IPCEF1: variants seen among roughly 807,000 people sequenced by gnomAD.
IPCEF1 encodes interaction protein for cytohesin exchange factors 1, also known as interactor protein for cytohesin exchange factors 1.
In IPCEF1, 31 loss-of-function variants were observed where a neutral mutation model predicts 50.9. That is an observed-to-expected ratio of 0.61 (90% confidence interval 0.46 to 0.82). The LOEUF is 0.82. Among genes scored for constraint, IPCEF1 ranks in the 40% least tolerant of loss-of-function variants. The probability of loss-of-function intolerance (pLI) is 0.00; values close to 1 mark genes in which losing one functional copy is unlikely to be tolerated. For missense variants in IPCEF1, 458 were observed against 514.0 expected (o/e 0.89, Z 1.05); for synonymous variants, 181 against 192.0 (o/e 0.94, Z 0.47).
At position 154,307,470 on chromosome 6, in the gene IPCEF1, G is replaced by A. The variant is rs576150668; in HGVS notation, c.-61-17714C>T. ...TTGTAAATTGACCAGTCTCGGGTAT[G>A]TTTTTATCAGCAGTGTGAAAACGGA... On this transcript the variant is annotated intron_variant, in intron 1 of 11. Transcript: ENST00000367220. Among the ~76,000 whole-genome samples the A allele has an allele frequency of 2.8e-4, 42 of 152,264 alleles. 1 individual carries two copies. In the East Asian group the frequency reaches 8.1e-3, roughly 29 times the overall value.
chr6:154,331,946 T>C (rs1783681931), intron 1 of IPCEF1, among the ~76,000 whole-genome samples: 1 of 152,136 alleles, frequency 6.6e-6, no homozygotes, highest in African/African-American at 2.4e-5. Context: ...GCTGCTCCCT[T>C]GGCCCTCTTC....
At chr6:154,261,555 A>C (rs1781602713) in intron 3 of IPCEF1, among the ~76,000 whole-genome samples, 1 of 152,172 alleles carries the variant, frequency 6.6e-6, no homozygotes, top group African/African-American at 2.4e-5. Context: ...TGGTGGATCG[A>C]TACTTTTGGA....
intron 5 of IPCEF1, among the ~76,000 whole-genome samples, chr6:154,236,379 C>G (rs940569012): frequency 6.6e-6 from 1 of 152,046 alleles, no homozygotes; most frequent in Non-Finnish European, 1.5e-5. Flanking sequence ...ATGGTGGTTG[C>G]CAGGGACTGG....
chr6:154,295,530 C>A (rs1694474004), intron 1 of IPCEF1, among the ~76,000 whole-genome samples: 1 of 152,016 alleles, frequency 6.6e-6, no homozygotes, highest in African/African-American at 2.4e-5. Flanking sequence ...GTGGCACACA[C>A]TTTGCTGTGA....
chr6:154,177,431 C>G (rs745325651), intron 10 of IPCEF1, among the ~76,000 whole-genome samples: 1 of 152,052 alleles, frequency 6.6e-6, no homozygotes, highest in Non-Finnish European at 1.5e-5. Flanking sequence ...AGAACATAAA[C>G]AAATTTATAA....
intron 1 of IPCEF1, among the ~76,000 whole-genome samples, chr6:154,313,926 C>A (rs372448407): frequency 6.6e-6 from 1 of 151,374 alleles, no homozygotes; most frequent in Admixed American, 6.6e-5. Flanking sequence ...TTTTTAATTT[C>A]TTGTACAAAT....
intron 9 of IPCEF1, among the ~76,000 whole-genome samples, chr6:154,209,537 C>T (rs944029380): frequency 1.3e-5 from 2 of 151,632 alleles, no homozygotes; most frequent in Admixed American, 6.6e-5. Context: ...GTCCCAGCTA[C>T]TCGGGGGGCC....
intron 9 of IPCEF1, among the ~76,000 whole-genome samples, chr6:154,205,017 G>A (rs969743329): frequency 6.6e-6 from 1 of 152,074 alleles, no homozygotes; most frequent in African/African-American, 2.4e-5. Context: ...TGGGTGGACG[G>A]CCTCCTTCCC....
intron 5 of IPCEF1, among the ~76,000 whole-genome samples, chr6:154,241,224 G>C (rs1011006658): frequency 6.2e-5 from 7 of 113,666 alleles, no homozygotes; most frequent in Non-Finnish European, 1.0e-4. Flanking sequence ...AACAAAGTGA[G>C]ACTCCATCTC....
chr6:154,301,678 T>C (rs1022656034), intron 1 of IPCEF1, among the ~76,000 whole-genome samples: 2 of 152,188 alleles, frequency 1.3e-5, no homozygotes, highest in Non-Finnish European at 2.9e-5. Flanking sequence ...GGGATCATGA[T>C]CACTGAAATT....
rs140088341 is a variant in IPCEF1 at position 154,337,838 on chromosome 6, T to G, written c.-62+18834A>C. On this transcript the variant is annotated intron_variant, in intron 1 of 11. Transcript: ENST00000367220. ...CAAAAGTGATCAGGCCCAGGAAGAC[T>G]CGAGTAGAGGACTTCAGTGACATAT... is the stretch of plus-strand genomic sequence containing the variant. Among the ~76,000 whole-genome samples the G allele has an allele frequency of 5.8e-3, 890 of 152,266 alleles. 6 individuals are homozygous for G. Among genetic ancestry groups the G allele is most frequent in the African/African-American group, 0.02 (828 of 41,536 alleles).
At position 154,329,663 on chromosome 6, in the gene IPCEF1, CT is replaced by C. The variant is rs1313519307; in HGVS notation, c.-62+27008del. On this transcript the variant is annotated intron_variant, in intron 1 of 11. Transcript: ENST00000367220. ...AAAGAAAGAAAGAAAGATCCAAAAA[CT>C]AAAAAAAAAACAGTTTTGTTATGAA... Among the ~76,000 whole-genome samples the C allele has an allele frequency of 2.3e-5, 3 of 132,216 alleles. No homozygotes were observed. In the East Asian group the frequency reaches 1.0e-3, roughly 45 times the overall value. The allele number at this position is 132,216 out of a possible 152,430, so 86.7% of individuals were successfully genotyped here.
chr6:154,346,021 G>A (rs532652216), intron 1 of IPCEF1, among the ~76,000 whole-genome samples: 1 of 151,956 alleles, frequency 6.6e-6, no homozygotes, highest in Non-Finnish European at 1.5e-5. Context: ...ATGTGCCACC[G>A]CGCCTGGCTA....
Position 154,168,011 on chromosome 6 carries a change from T to A in IPCEF1, c.1013A>T (p.Lys338Met). 1 of 1,612,102 alleles carries A rather than the reference T, an allele frequency of 6.2e-7. No individual in the cohort carries two copies. The highest frequency in any genetic ancestry group is 8.5e-7 in the Non-Finnish European group (1 of 1,178,390). Residue 338 changes from lysine to methionine, a missense_variant, in exon 11 of 12, where the codon AAG becomes ATG. By Grantham distance (95) the Lys-to-Met change is moderately conservative (BLOSUM62 -1). Transcript: ENST00000367220. This position sits in a 1 kb window ranked among gnomAD's most constrained non-coding sequence, Gnocchi z 4.1. ...PLGDRRPSTK[K>M]ELRKSFVKRC... ...CTTAACAAAGGATTTTCTCAACTCC[T>A]TTTTAGTCGAAGGTCGTCGGTCCCC...
chr6:154,252,451 C>A (rs4473868), intron 3 of IPCEF1, among the ~76,000 whole-genome samples: 22 of 151,942 alleles, frequency 1.4e-4, no homozygotes, highest in African/African-American at 5.1e-4. Flanking sequence ...CCAGGGTGGG[C>A]GGATCACGAG....
chr6:154,331,547 T>C (rs773369651), intron 1 of IPCEF1, among the ~76,000 whole-genome samples: 5 of 151,600 alleles, frequency 3.3e-5, no homozygotes, highest in Non-Finnish European at 4.4e-5. Flanking sequence ...AATAATAATA[T>C]AATAATTTGT....
intron 3 of IPCEF1, among the ~76,000 whole-genome samples, chr6:154,254,423 A>G (rs1781411227): frequency 6.6e-6 from 1 of 152,208 alleles, no homozygotes; most frequent in African/African-American, 2.4e-5. Context: ...AGCAGGAAGC[A>G]CCAGATACTA....
At chr6:154,323,756 C>A (rs1399994220) in intron 1 of IPCEF1, among the ~76,000 whole-genome samples, 1 of 152,142 alleles carries the variant, frequency 6.6e-6, no homozygotes, top group African/African-American at 2.4e-5. Flanking sequence ...AGTTCAAGAC[C>A]AGCCTGACCA....
At chr6:154,179,822 C>G (rs1465663221) in intron 10 of IPCEF1, among the ~76,000 whole-genome samples, 1 of 152,158 alleles carries the variant, frequency 6.6e-6, no homozygotes, top group Non-Finnish European at 1.5e-5. Context: ...GAATCATGCC[C>G]TTCTAGACCA....
Sources: allele counts gnomAD v4.1 joint callset (sites outside exome capture counted in the v4.1 genomes callset), GRCh38; gene constraint gnomAD v4.1.1; non-coding constraint Gnocchi (gnomAD v3.1); transcripts MANE v1.5; gene names NCBI Gene and HGNC (gene_info 2026-07-23, HGNC 2026-07-21).